The following OGFOD2 variants were observed in gnomAD, a reference collection of about 807,000 sequenced individuals.
The protein encoded by OGFOD2 is 2-oxoglutarate and iron dependent oxygenase domain containing 2.
Under a neutral mutation model 31.1 loss-of-function variants are expected in OGFOD2, and 34 were observed. That is an observed-to-expected ratio of 1.09 (90% CI 0.83 to 1.45). The LOEUF (loss-of-function observed/expected upper bound fraction) is 1.45, where lower values mean the gene tolerates loss of function less well. OGFOD2 is among the 40% of genes most tolerant of loss of function. OGFOD2 has a pLI of 0.00. For missense variants in OGFOD2, 537 were observed against 433.9 expected (o/e 1.24, Z -2.11); for synonymous variants, 240 against 192.3 (o/e 1.25, Z -2.05).
At chr12:122,975,267 G>C (rs920742500) in exon 1 of OGFOD2, 1 of 684,640 alleles carries the variant, frequency 1.5e-6, no homozygotes, top group Non-Finnish European at 2.7e-6. Flanking sequence ...GACGGTGGGG[G>C]CTCCGCGGCA....
exon 5 of OGFOD2, chr12:122,978,452 C>T: frequency 2.5e-6 from 4 of 1,613,550 alleles, no homozygotes; most frequent in Non-Finnish European, 2.5e-6. Context: ...AGGAGAAGCG[C>T]ATCTACCGGG....
chr12:122,977,046 C>T lies in OGFOD2; in HGVS notation c.403+76C>T, dbSNP rs747661325. ...AAACCTGGGTGTGGGATGCTGGGGT[C>T]CCTCCAGCCACCATCTCTGCCTCCA... On this transcript the variant is annotated intron_variant, in intron 4 of 6. Coordinates refer to ENST00000228922, the Ensembl canonical transcript of OGFOD2. 4.3e-6 allele frequency: 6 copies of T among 1,395,526 alleles called. No individual in the cohort carries two copies. In the African/African-American group the frequency reaches 5.7e-5, roughly 13 times the overall value. 86.4% of individuals were successfully genotyped at this position (1,395,526 alleles called of 1,614,324 possible).
rs950330467 is a variant in OGFOD2, at chr12:122,979,029, C to T, written c.789+19C>T. ...CTTCCAGGTGAGTGTGTGACCCATG[C>T]GGCAGGGCCTGGGGCAGCTGTGAGT... On this transcript the variant is annotated intron_variant, in intron 6 of 6. Transcript: ENST00000228922. 3.1e-6 allele frequency: 5 copies of T among 1,608,776 alleles called. No homozygotes were observed. The highest frequency in any genetic ancestry group is 2.2e-5 in the East Asian group (1 of 44,760).
In OGFOD2 at chr12:122,976,889, G is replaced by A. The variant is rs145554883; in HGVS notation, c.322G>A (p.Glu108Lys). Residue 108 changes from glutamate to lysine, a missense_variant, in exon 4 of 7, where the codon GAG becomes AAG. Glu to Lys is a moderately conservative substitution (Grantham distance 56). Transcript: ENST00000228922. Reference sequence around the variant, plus strand: ...CTCCCAGGATGCAGCTCTGGCCCCCGAGTTCCTGGCCGTGACTGAGTACAG... The same window carrying A: ...CTCCCAGGATGCAGCTCTGGCCCCCAAGTTCCTGGCCGTGACTGAGTACAG... 2.3e-4 allele frequency: 376 copies of A among 1,608,092 alleles called. No homozygotes were observed. The African/African-American group carries it at 3.9e-3, about 17-fold the overall frequency.
chr12:122,979,815 C>G (rs995836984), exon 7 of OGFOD2: 8 of 206,182 alleles, frequency 3.9e-5, no homozygotes, highest in Non-Finnish European at 9.6e-6. Context: ...GCATCACCCC[C>G]CAGTGGACTC....
rs759104625 is a variant in OGFOD2, at chr12:122,979,102, AG to A, written c.810del (p.Glu270AspfsTer205). 1 of 1,599,910 alleles carries A rather than the reference AG, an allele frequency of 6.3e-7. No individual in the cohort carries two copies. The highest frequency in any genetic ancestry group is 2.2e-5 in the East Asian group (1 of 44,600). On this transcript the variant is annotated frameshift_variant, in exon 7 of 7. Transcript: ENST00000228922. LOFTEE classifies it high-confidence loss of function. Reference sequence around the variant, plus strand: ...CTGCAGGCACCCACAGCCCTGACGGAGCCCCTGGAGGTGGAGCACGTGGTGG... The same window carrying A: ...CTGCAGGCACCCACAGCCCTGACGGACCCCTGGAGGTGGAGCACGTGGTGG...
rs746086798 is a variant in OGFOD2 at position 122,979,343 on chromosome 12, C to T, written c.1050C>T (p.Thr350=). 2.1e-5 allele frequency: 33 copies of T among 1,598,666 alleles called. No homozygotes were observed. The South Asian group carries it at 3.4e-4, about 17-fold the overall frequency. ...CCACGGTGGATGTATGTGCGCTCAC[C>T]TGAGCTTGCTTGGGCCCAGTGTGGG... is the stretch of plus-strand genomic sequence containing the variant. Residue 350 remains threonine (T), a synonymous_variant, in exon 7 of 7, where the codon ACC becomes ACT. Transcript: ENST00000228922.
At chr12:122,976,599 A>G in intron 2 of OGFOD2, 55 bp from the exon 3 acceptor site, 1 of 1,362,322 alleles carries the variant, frequency 7.3e-7, no homozygotes, top group African/African-American at 1.4e-5. Flanking sequence ...TCATCTGTAC[A>G]GTGGCCTCAG....
At position 122,978,977 on chromosome 12, in the gene OGFOD2, A is replaced by AG. The variant is rs773108329; in HGVS notation, c.761dup (p.Ala255ArgfsTer45). 7.4e-6 allele frequency: 12 copies of AG among 1,613,070 alleles called. No homozygotes were observed. Among genetic ancestry groups the AG allele is most frequent in the South Asian group, 1.1e-5 (1 of 91,082 alleles). On this transcript the variant is annotated frameshift_variant, in exon 6 of 7. Transcript: ENST00000228922. LOFTEE classifies it high-confidence loss of function. ...ATGTGGCCTTGGGCAAGGTCTTCAC[A>AG]GGGGGCGCCCTGTATTTTGGGGGCC...
chr12:122,976,668 G>A, exon 3 of OGFOD2: 1 of 1,608,552 alleles, frequency 6.2e-7, no homozygotes, highest in Non-Finnish European at 8.5e-7. Context: ...AGCAGGAGGT[G>A]GAGCGGCGGC....
At chr12:122,975,182 G>T, upstream of OGFOD2, 1 of 493,428 alleles carries the variant, frequency 2.0e-6, no homozygotes, top group Admixed American at 3.4e-5. Context: ...CGCTGGTTCC[G>T]CGCCTCCCGC....
chr12:122,977,099 G>A (rs775503952), intron 4 of OGFOD2, 129 bp downstream of exon 4: 2 of 841,774 alleles, frequency 2.4e-6, no homozygotes, highest in Non-Finnish European at 2.0e-6. Flanking sequence ...AGCTGGAAGG[G>A]TCAGTGGGAC....
intron 4 of OGFOD2, chr12:122,977,342 GC>G (rs1339600860): frequency 2.5e-5 from 8 of 326,138 alleles, no homozygotes; most frequent in Non-Finnish European, 4.2e-5. Flanking sequence ...GCAAAGCCCG[GC>G]CCCCCAGGGC....
intron 5 of OGFOD2, 54 bp downstream of exon 5, chr12:122,978,623 G>A (rs748789865): frequency 4.6e-5 from 73 of 1,598,968 alleles, no homozygotes; most frequent in Non-Finnish European, 5.8e-5. Context: ...TCAGGAGGCA[G>A]TGTCAGAGGT....
chr12:122,977,229 T>C, intron 4 of OGFOD2: 1 of 496,622 alleles, frequency 2.0e-6, no homozygotes. Flanking sequence ...TGGATATTTG[T>C]GTCATGTGTG....
At chr12:122,979,047 C>T in intron 6 of OGFOD2, 36 bp from the exon 7 acceptor site, 1 of 1,604,434 alleles carries the variant, frequency 6.2e-7, no homozygotes, top group Non-Finnish European at 8.5e-7. Context: ...CCTGGGGCAG[C>T]TGTGAGTGCC....
rs2037495644 is a variant in OGFOD2 at position 122,978,409 on chromosome 12, A to G, written c.404-33A>G. On this transcript the variant is annotated intron_variant, in intron 4 of 6. Transcript: ENST00000228922. ...CCAGGCCTGGCCGGCCCACGGCCAC[A>G]TTCAGGCCAACAGACCATCCCTCCT... 1.9e-6 allele frequency: 3 copies of G among 1,609,252 alleles called. No homozygotes were observed. The African/African-American group carries it at 4.0e-5, about 22-fold the overall frequency.
chr12:122,975,134 C>A (rs1230060803), upstream of OGFOD2: 3 of 506,938 alleles, frequency 5.9e-6, no homozygotes, highest in Non-Finnish European at 1.1e-5. Flanking sequence ...GCGTCTTCGT[C>A]CTTTTCCGCC....
chr12:122,976,737 G>C, exon 3 of OGFOD2: 1 of 1,613,836 alleles, frequency 6.2e-7, no homozygotes, highest in Non-Finnish European at 8.5e-7. Flanking sequence ...CCTACCACCC[G>C]GCACGGCCTG....
Sources: gnomAD v4.1 joint callset for allele counts on GRCh38, gnomAD v4.1.1 for gene constraint, MANE v1.5 for transcripts, NCBI Gene and HGNC (gene_info 2026-07-23, HGNC 2026-07-21) for gene names.